MPRIP: variants seen among roughly 807,000 people sequenced by gnomAD.
MPRIP encodes the protein myosin phosphatase Rho-interacting protein.
A neutral mutation model predicts 234.9 loss-of-function variants in MPRIP; 59 were observed. That is an observed-to-expected ratio of 0.25 (90% CI 0.20 to 0.31). MPRIP has a LOEUF of 0.31. Ranked by LOEUF, MPRIP falls within the 10% of genes least tolerant of loss-of-function variation. The pLI, the probability that MPRIP is intolerant of heterozygous loss-of-function variation, is 1.00. For synonymous variants in MPRIP, 1,144 were observed against 1,263.9 expected (o/e 0.91, Z 2.01); for missense variants, 2,436 against 3,071.0 (o/e 0.79, Z 4.89).
In MPRIP at chr17:17,146,110, C is replaced by T. The variant is rs768967633; in HGVS notation, c.1560+18C>T. On this transcript the variant is annotated intron_variant, in intron 10 of 23. Coordinates refer to ENST00000651222, the MANE Select transcript of MPRIP (RefSeq NM_001364716.4). ...ACGGCCAGGTGAGTGTGCAGGGTTG[C>T]CGTGGCCCCTGAGGGATCTGGGGAC... 6.2e-7 allele frequency: 1 copy of T among 1,612,746 alleles called. No individual in the cohort carries two copies.
At chr17:17,120,486 G>T (rs1208383273) in intron 3 of MPRIP, among the ~76,000 whole-genome samples, 2 of 152,084 alleles carry the variant, frequency 1.3e-5, no homozygotes, top group African/African-American at 4.8e-5. Flanking sequence ...GGAGGAGCAG[G>T]GTGTGCTCAT....
chr17:17,076,097 G>T (rs12602904), intron 2 of MPRIP: 7 of 263,180 alleles, frequency 2.7e-5, no homozygotes, highest in African/African-American at 1.3e-4. Flanking sequence ...GCATTATACC[G>T]AGCAGCTCCC....
In MPRIP at chr17:17,171,764, A is replaced by G. The variant is rs1299437463; in HGVS notation, c.6371A>G (p.Lys2124Arg). 6.2e-6 allele frequency: 10 copies of G among 1,613,746 alleles called. No homozygotes were observed. Among genetic ancestry groups the G allele is most frequent in the Non-Finnish European group, 8.5e-6 (10 of 1,180,044 alleles). ...GFAAMEETHQ[K>R]KIEDLQRQHQ... is the part of the protein sequence containing the mutation. ...GCAGCAATGGAAGAAACGCACCAGA[A>G]GAAGATTGAAGATCTCCAGAGGCAG... Residue 2124 changes from lysine (K) to arginine (R), a missense_variant, in exon 17 of 24, where the codon AAG (lysine) becomes AGG (arginine). By Grantham distance (26) the Lys-to-Arg change is conservative (BLOSUM62 2). Coordinates refer to ENST00000651222, the MANE Select transcript of MPRIP (RefSeq NM_001364716.4).
intron 12 of MPRIP, among the ~76,000 whole-genome samples, chr17:17,153,423 G>C (rs59394251): frequency 0.13 from 19,820 of 151,926 alleles, 1,837 homozygotes; most frequent in East Asian, 0.3. Context: ...GCAGAAGCAG[G>C]CCTCCAGCTC....
In MPRIP at chr17:17,078,466, C is replaced by T. The variant is rs2089386685; in HGVS notation, c.267+390C>T. 6.6e-6 allele frequency among the ~76,000 whole-genome samples: 1 copy of T among 152,192 alleles called. No individual in the cohort carries two copies. ...CCTGGGGCTGGCACATGTGCTCACG[C>T]ACCTAGTCCTGGGGTTGCCTGTCAA... On this transcript the variant is annotated intron_variant, in intron 3 of 23. Coordinates refer to ENST00000651222, the MANE Select transcript of MPRIP (RefSeq NM_001364716.4). This position sits in a 1 kb window ranked among gnomAD's most constrained non-coding sequence, Gnocchi z 4.3.
intron 1 of MPRIP, among the ~76,000 whole-genome samples, chr17:17,047,707 C>T (rs1290825391): frequency 1.3e-5 from 2 of 152,112 alleles, no homozygotes; most frequent in Admixed American, 1.3e-4. Flanking sequence ...GTACCTTTAA[C>T]AGAGATTGAG....
rs1274803672 is a variant in MPRIP at position 17,184,806 on chromosome 17, G to C, written c.7207-17G>C. Reference sequence around the variant, plus strand: ...AACGGTGTGTTTATTTTCTCCTCCTGCTCTGTCTCTACCCAGAGTCTGAAG... The same window carrying C: ...AACGGTGTGTTTATTTTCTCCTCCTCCTCTGTCTCTACCCAGAGTCTGAAG... On this transcript the variant is annotated splice_polypyrimidine_tract_variant and intron_variant, in intron 23 of 23. Coordinates refer to ENST00000651222, the MANE Select transcript of MPRIP (RefSeq NM_001364716.4). The C allele has an allele frequency of 6.2e-7, 1 of 1,604,266 alleles. No homozygotes were observed. The highest frequency in any genetic ancestry group is 8.5e-7 in the Non-Finnish European group (1 of 1,172,030).
Position 17,188,477 on chromosome 17 carries a change from C to T in MPRIP, c.*3583C>T, listed in dbSNP as rs2046521295. 6.6e-6 allele frequency: 1 copy of T among 152,290 alleles called. No homozygotes were observed. Among genetic ancestry groups the T allele is most frequent in the African/African-American group, 2.4e-5 (1 of 41,438 alleles). The allele number at this position is 152,290 out of a possible 1,614,324, so 9.4% of individuals were successfully genotyped here. A position where few individuals can be genotyped will look rare whatever the true frequency, so the allele number is the denominator to read the frequency against. On this transcript the variant is annotated 3_prime_UTR_variant, in exon 24 of 24. Transcript: ENST00000651222. Reference sequence around the variant, plus strand: ...CCTGTTTCTGCAGCAGCCACCAGCTCCCATCACCCCTTGACCCTCCAGCTC... The same window carrying T: ...CCTGTTTCTGCAGCAGCCACCAGCTTCCATCACCCCTTGACCCTCCAGCTC...
In MPRIP at chr17:17,167,427, G is replaced by T. The variant is rs893875772; in HGVS notation, c.5836G>T (p.Gly1946Cys). The T allele has an allele frequency of 4.6e-6, 6 of 1,304,126 alleles. No individual in the cohort carries two copies. The highest frequency in any genetic ancestry group is 6.1e-6 in the Non-Finnish European group (6 of 988,978). The allele number at this position is 1,304,126 out of a possible 1,614,324, so 80.8% of individuals were successfully genotyped here. A position where few individuals can be genotyped will look rare whatever the true frequency, so the allele number is the denominator to read the frequency against. The change falls in exon 16 of 24, where the codon GGC (glycine) becomes TGC (cysteine). Residue 1946 changes from glycine to cysteine, a missense_variant. This residue lies in a region of MPRIP where 1,998 missense variants were observed against 2,520.3 expected (regional missense o/e 0.79). Coordinates refer to ENST00000651222, the MANE Select transcript of MPRIP (RefSeq NM_001364716.4). This position sits in a 1 kb window ranked among gnomAD's most constrained non-coding sequence, Gnocchi z 5.9. ...CAGCATGAGCATGTTCACCCTGCGG[G>T]GCAGGTATGAGGAGGAGATTCGGTG... ...KHSMSMFTLR[G>C]RYEEEIRCVV... is the part of the protein sequence containing the mutation.
intron 16 of MPRIP, chr17:17,170,955 C>G (rs1172787126): frequency 1.3e-5 from 2 of 152,212 alleles, no homozygotes; most frequent in East Asian, 3.8e-4. Context: ...GAAAGCAGGT[C>G]TCCTGTCATG....
intron 3 of MPRIP, among the ~76,000 whole-genome samples, chr17:17,085,626 ACTGACGGCTGGGTGTGGTGG>A (rs2144107607): frequency 6.6e-6 from 1 of 152,346 alleles, no homozygotes; most frequent in East Asian, 1.9e-4. Context: ...AAGAATACAC[ACTGACGGCTGGGTGTGGTGG>A]CTCACGCCTG....
intron 10 of MPRIP, among the ~76,000 whole-genome samples, 157 bp downstream of exon 10, chr17:17,146,249 G>A (rs2045462796): frequency 6.6e-6 from 1 of 152,202 alleles, no homozygotes; most frequent in Non-Finnish European, 1.5e-5. Context: ...ACTCCCATCT[G>A]CTCCTAGAAG....
chr17:17,157,802 T>A, intron 13 of MPRIP, among the ~76,000 whole-genome samples: 1 of 149,184 alleles, frequency 6.7e-6, no homozygotes, highest in East Asian at 2.0e-4. Context: ...CACTCCAGCC[T>A]GGGTAACAAG....
chr17:17,167,450 G>C lies in MPRIP; in HGVS notation c.5859G>C (p.Arg1953=). 7.7e-7 allele frequency: 1 copy of C among 1,304,238 alleles called. No individual in the cohort carries two copies. Among genetic ancestry groups the C allele is most frequent in the Non-Finnish European group, 1.0e-6 (1 of 988,968 alleles). The allele number at this position is 1,304,238 out of a possible 1,614,324, so 80.8% of individuals were successfully genotyped here. A position where few individuals can be genotyped will look rare whatever the true frequency, so the allele number is the denominator to read the frequency against. The change falls in exon 16 of 24, where the codon CGG becomes CGC. Residue 1953 remains arginine (R), a synonymous_variant. Transcript: ENST00000651222. The surrounding 1 kb of genome is among the most constrained non-coding windows in gnomAD (Gnocchi z 5.9). ...TLRGRYEEEI[R]CVVEQLTRTE... ...GGGGCAGGTATGAGGAGGAGATTCG[G>C]TGTGTGGTGGAGCAGCTGACCAGGA...
Position 17,136,247 on chromosome 17 carries a change from C to CCAGCAG in MPRIP, c.563_568dup (p.Ser188_Ser189dup), listed in dbSNP as rs3833098. On this transcript the variant is annotated inframe_insertion, in exon 6 of 24. Transcript: ENST00000651222. ...CCTGGGCCTGCCAAGGTGGCTGTTA[C>CCAGCAG]CAGCAGCAGCAGCAGCAGCAGCAGC... 1.1e-4 allele frequency: 177 copies of CCAGCAG among 1,556,024 alleles called. No homozygotes were observed. Among genetic ancestry groups the CCAGCAG allele is most frequent in the African/African-American group, 5.3e-4 (39 of 73,242 alleles).
Position 17,172,941 on chromosome 17 carries a change from C to G in MPRIP, c.6590+126C>G, listed in dbSNP as rs1178232343. 1.7e-5 allele frequency: 13 copies of G among 749,776 alleles called. No individual in the cohort carries two copies. The East Asian group carries it at 3.1e-4, about 18-fold the overall frequency. The allele number at this position is 749,776 out of a possible 1,614,324, so 46.4% of individuals were successfully genotyped here. On this transcript the variant is annotated intron_variant, in intron 18 of 23. Coordinates refer to ENST00000651222, the MANE Select transcript of MPRIP (RefSeq NM_001364716.4). Reference sequence around the variant, plus strand: ...AAGTGGGGCCTGGGGCCCCTGGGTGCTGAGGGCAGCTCAGATGCCCTCTTG... The same window carrying G: ...AAGTGGGGCCTGGGGCCCCTGGGTGGTGAGGGCAGCTCAGATGCCCTCTTG...
intron 3 of MPRIP, among the ~76,000 whole-genome samples, chr17:17,095,062 T>A (rs1567711035): frequency 1.3e-5 from 2 of 152,222 alleles, no homozygotes; most frequent in Non-Finnish European, 2.9e-5. Flanking sequence ...CTTCTAACCC[T>A]TCTGTTGGGG....
At chr17:17,112,748 T>C (rs2090198324) in intron 3 of MPRIP, among the ~76,000 whole-genome samples, 1 of 152,162 alleles carries the variant, frequency 6.6e-6, no homozygotes, top group Admixed American at 6.5e-5. Flanking sequence ...TTGGTGCCAC[T>C]GGACAAAGGT....
At chr17:17,181,075 G>A (rs764748943) in intron 23 of MPRIP, among the ~76,000 whole-genome samples, 14 of 152,342 alleles carry the variant, frequency 9.2e-5, no homozygotes, top group Non-Finnish European at 1.8e-4. Context: ...AGTGGCCTCT[G>A]TCTGTCAAGG....
Sources: allele counts gnomAD v4.1 joint callset (sites outside exome capture counted in the v4.1 genomes callset), GRCh38; gene constraint gnomAD v4.1.1; regional missense constraint gnomAD v4.1.1; non-coding constraint Gnocchi (gnomAD v3.1); transcripts MANE v1.5; gene names NCBI Gene and HGNC (gene_info 2026-07-23, HGNC 2026-07-21).